The following C1QTNF7 variants were observed in gnomAD, a reference collection of about 807,000 sequenced individuals.
C1QTNF7 encodes complement C1q tumor necrosis factor-related protein 7.
A neutral mutation model predicts 19.6 loss-of-function variants in C1QTNF7; 15 were observed. That is an observed-to-expected ratio of 0.76 (90% CI 0.51 to 1.18). C1QTNF7 has a LOEUF of 1.18. Among genes scored for constraint, C1QTNF7 ranks in the 50% most tolerant of loss-of-function variants. C1QTNF7 has a pLI of 0.00. For synonymous variants in C1QTNF7, 142 were observed against 137.5 expected (o/e 1.03, Z -0.23); for missense variants, 324 against 359.7 (o/e 0.90, Z 0.80).
intron 1 of C1QTNF7, among the ~76,000 whole-genome samples, chr4:15,389,252 C>T (rs1469452210): frequency 1.3e-5 from 2 of 152,002 alleles, no homozygotes; most frequent in African/African-American, 4.8e-5. Flanking sequence ...TTTTGAAGAG[C>T]ATGAACTGGG....
At chr4:15,392,016 A>G (rs2108900104) in intron 1 of C1QTNF7, among the ~76,000 whole-genome samples, 1 of 152,296 alleles carries the variant, frequency 6.6e-6, no homozygotes, top group South Asian at 2.1e-4. Context: ...CTCAGCCTGG[A>G]TTTAGTTTCA....
chr4:15,418,716 GTCC>G (rs35729702), intron 1 of C1QTNF7, among the ~76,000 whole-genome samples: 40,117 of 152,008 alleles, frequency 0.26, 6,245 homozygotes, highest in Middle Eastern at 0.37. Flanking sequence ...GTAGTTAAGT[GTCC>G]TAAGACCACA....
intron 1 of C1QTNF7, among the ~76,000 whole-genome samples, chr4:15,416,082 C>T (rs1309954126): frequency 6.6e-6 from 1 of 152,110 alleles, no homozygotes; most frequent in Admixed American, 6.5e-5. Flanking sequence ...AGGGTTTGCA[C>T]GATTTTCAGA....
rs144903609 is a variant in C1QTNF7 at position 15,354,311 on chromosome 4, T to G, written c.13+14104T>G. Among the ~76,000 whole-genome samples the G allele has an allele frequency of 2.3e-3, 343 of 152,230 alleles. 3 individuals are homozygous for G. The highest frequency in any genetic ancestry group is 7.9e-3 in the African/African-American group (330 of 41,552). On this transcript the variant is annotated intron_variant, in intron 1 of 2. Transcript: ENST00000295297. Reference sequence around the variant, plus strand: ...GTTAGGTAAGGGTTGGATAAGAGAATACAGGAGAAATAATTTTGACCTTAT... The same window carrying G: ...GTTAGGTAAGGGTTGGATAAGAGAAGACAGGAGAAATAATTTTGACCTTAT...
intron 1 of C1QTNF7, among the ~76,000 whole-genome samples, chr4:15,405,250 C>A (rs578171986): frequency 6.6e-6 from 1 of 152,298 alleles, no homozygotes; most frequent in East Asian, 1.9e-4. Context: ...CGAATGACAG[C>A]AGGCGGGCTC....
chr4:15,389,736 T>C lies in C1QTNF7; in HGVS notation c.14-46000T>C, dbSNP rs142417602. The stretch of plus-strand genomic sequence containing the variant: ...ACCCAGCCCAAAATGAGAAGTCTTG[T>C]GTGGAGCACCCAGAAATCTCTAGGG... On this transcript the variant is annotated intron_variant, in intron 1 of 2. Transcript: ENST00000295297. Among the ~76,000 whole-genome samples, 277 of 152,276 alleles carry C rather than the reference T, an allele frequency of 1.8e-3. 1 individual carries two copies. Among genetic ancestry groups the C allele is most frequent in the African/African-American group, 6.4e-3 (264 of 41,550 alleles).
chr4:15,423,516 C>T (rs577127999), upstream of C1QTNF7, among the ~76,000 whole-genome samples: 7 of 152,304 alleles, frequency 4.6e-5, no homozygotes, highest in Non-Finnish European at 8.8e-5. Context: ...GGTTGAAGTC[C>T]GCTTGAAAAG....
intron 1 of C1QTNF7, among the ~76,000 whole-genome samples, chr4:15,410,380 T>C (rs1719363436): frequency 6.6e-6 from 1 of 152,226 alleles, no homozygotes; most frequent in Admixed American, 6.5e-5. Context: ...GTGTGAGCTT[T>C]ATCATTACAA....
chr4:15,438,052 A>G (rs1712605603), intron 2 of C1QTNF7, among the ~76,000 whole-genome samples: 1 of 152,192 alleles, frequency 6.6e-6, no homozygotes, highest in African/African-American at 2.4e-5. Flanking sequence ...CATCATCATA[A>G]TAACCACTTA....
intron 1 of C1QTNF7, among the ~76,000 whole-genome samples, chr4:15,431,369 A>T (rs1297296844): frequency 1.3e-5 from 2 of 152,216 alleles, no homozygotes; most frequent in African/African-American, 4.8e-5. Context: ...AAACTCGCAC[A>T]GGTGATCAGC....
At chr4:15,347,289 A>G (rs182849482) in intron 1 of C1QTNF7, among the ~76,000 whole-genome samples, 180 of 152,342 alleles carry the variant, frequency 1.2e-3, no homozygotes, top group African/African-American at 4.0e-3. Flanking sequence ...CGCTCCTTCC[A>G]TTAATATACC....
intron 1 of C1QTNF7, among the ~76,000 whole-genome samples, chr4:15,360,615 G>C (rs1443904545): frequency 1.3e-5 from 2 of 152,080 alleles, no homozygotes; most frequent in African/African-American, 4.8e-5. Context: ...CCAACAAAAA[G>C]TACAAAAATG....
intron 1 of C1QTNF7, among the ~76,000 whole-genome samples, chr4:15,342,450 G>A (rs898116440): frequency 1.4e-4 from 22 of 152,222 alleles, no homozygotes; most frequent in African/African-American, 5.1e-4. Context: ...CTTTATCAAC[G>A]CTCTTTGAAC....
rs189034437 is a variant in C1QTNF7 at position 15,409,788 on chromosome 4, A to G, written c.14-25948A>G. Among the ~76,000 whole-genome samples, 3 of 152,310 alleles carry G rather than the reference A, an allele frequency of 2.0e-5. No homozygotes were observed. In the East Asian group the frequency reaches 5.8e-4, roughly 29 times the overall value. On this transcript the variant is annotated intron_variant, in intron 1 of 2. Coordinates refer to the C1QTNF7 transcript ENST00000295297. ...GCATCTCATCTATGAAATCTGTATA[A>G]TAGGACCCACTTACCAGAGTTGTTA...
intron 1 of C1QTNF7, among the ~76,000 whole-genome samples, chr4:15,387,642 G>A (rs989783931): frequency 1.3e-5 from 2 of 152,082 alleles, no homozygotes; most frequent in African/African-American, 4.8e-5. Context: ...AGAATGAGAG[G>A]AATGCAATTG....
At chr4:15,370,282 GAGA>G (rs1717673585) in intron 1 of C1QTNF7, among the ~76,000 whole-genome samples, 2 of 152,334 alleles carry the variant, frequency 1.3e-5, no homozygotes, top group South Asian at 4.1e-4. Context: ...GCTATAAACT[GAGA>G]AGAACAAGCT....
intron 1 of C1QTNF7, among the ~76,000 whole-genome samples, chr4:15,356,562 T>G (rs1387672014): frequency 6.6e-6 from 1 of 152,232 alleles, no homozygotes; most frequent in African/African-American, 2.4e-5. Flanking sequence ...TAAACATACA[T>G]GTGCATGTGT....
At chr4:15,376,522 C>T (rs1717946181) in intron 1 of C1QTNF7, among the ~76,000 whole-genome samples, 1 of 152,114 alleles carries the variant, frequency 6.6e-6, no homozygotes, top group African/African-American at 2.4e-5. Context: ...AAATAGAGCT[C>T]ATAACAGCAG....
intron 1 of C1QTNF7, among the ~76,000 whole-genome samples, chr4:15,353,247 A>T (rs947920547): frequency 6.6e-6 from 1 of 152,168 alleles, no homozygotes; most frequent in East Asian, 1.9e-4. Flanking sequence ...TAAAAAAATT[A>T]GTATTATATT....
Sources: gnomAD v4.1 joint callset for allele counts (sites outside exome capture counted in the v4.1 genomes callset) on GRCh38, gnomAD v4.1.1 for gene constraint, MANE v1.5 for transcripts, NCBI Gene and HGNC (gene_info 2026-07-23, HGNC 2026-07-21) for gene names.